Variants in RIC1 observed in about 807,000 individuals in gnomAD.
The protein encoded by RIC1 is RIC1 partner of RAB6A GEF complex, also known as guanine nucleotide exchange factor subunit RIC1.
RIC1 carries 88 observed loss-of-function variants against 169.0 expected under a neutral mutation model. The ratio of observed to expected loss-of-function variants is 0.52; its 90% CI spans 0.44 to 0.62. The LOEUF (loss-of-function observed/expected upper bound fraction) is 0.62, where lower values mean the gene tolerates loss of function less well. RIC1 is among the 20% of genes least tolerant of loss of function. RIC1 has a pLI of 0.00. For missense variants in RIC1, 1,877 were observed against 1,725.5 expected (o/e 1.09, Z -1.56); for synonymous variants, 790 against 601.5 (o/e 1.31, Z -4.59).
chr9:5,705,232 G>C (rs1002195039), intron 3 of RIC1, among the ~76,000 whole-genome samples: 1 of 131,830 alleles, frequency 7.6e-6, no homozygotes, highest in African/African-American at 2.8e-5. Context: ...TTGGGATTTT[G>C]GTAGAAATTG....
At chr9:5,753,685 T>C in intron 14 of RIC1, 39 bp downstream of exon 14, 1 of 1,075,078 alleles carries the variant, frequency 9.3e-7, no homozygotes, top group South Asian at 1.4e-5. Flanking sequence ...TTTCTCAAAG[T>C]ATAAGAGAAC....
At chr9:5,713,640 G>C (rs1023686634) in intron 3 of RIC1, 4 of 273,040 alleles carry the variant, frequency 1.5e-5, no homozygotes, top group Non-Finnish European at 2.8e-5. Flanking sequence ...ATTTCAAGTG[G>C]GTTTTTTTCT....
At chr9:5,633,370 C>T (rs1817812679) in intron 1 of RIC1, among the ~76,000 whole-genome samples, 1 of 152,120 alleles carries the variant, frequency 6.6e-6, no homozygotes, top group Non-Finnish European at 1.5e-5. Flanking sequence ...TTCTAGGGTT[C>T]ACTGTTGATG....
intron 23 of RIC1, among the ~76,000 whole-genome samples, chr9:5,772,257 C>T (rs1451807810): frequency 6.6e-6 from 1 of 152,130 alleles, no homozygotes; most frequent in East Asian, 1.9e-4. Flanking sequence ...ACAGTTTCCT[C>T]TATTTCCTGT....
chr9:5,763,818 T>C lies in RIC1; in HGVS notation c.2791T>C (p.Leu931=). The part of the protein sequence containing the change: ...GNPKDLFEEC[L]MAQDLDTAAS... Reference sequence around the variant, plus strand: ...CCCTAAGGACTTGTTTGAGGAGTGTTTGATGGCTCAGGATTTGGACACAGC... The same window carrying C: ...CCCTAAGGACTTGTTTGAGGAGTGTCTGATGGCTCAGGATTTGGACACAGC... The change falls in exon 19 of 26, where the codon TTG becomes CTG. Residue 931 remains leucine, a synonymous_variant. Transcript: ENST00000414202. The surrounding 1 kb of genome is among the most constrained non-coding windows in gnomAD (Gnocchi z 5.2). 1 of 1,614,214 alleles carries C rather than the reference T, an allele frequency of 6.2e-7. No individual in the cohort carries two copies. Among genetic ancestry groups the C allele is most frequent in the Non-Finnish European group, 8.5e-7 (1 of 1,180,018 alleles).
At chr9:5,660,797 T>A (rs946316698) in intron 2 of RIC1, among the ~76,000 whole-genome samples, 2 of 152,102 alleles carry the variant, frequency 1.3e-5, no homozygotes, top group Non-Finnish European at 2.9e-5. Flanking sequence ...ACCATTCTGT[T>A]GTTTATCTGC....
At chr9:5,734,733 T>G (rs1672944536) in intron 7 of RIC1, among the ~76,000 whole-genome samples, 2 of 138,324 alleles carry the variant, frequency 1.4e-5, no homozygotes, top group Non-Finnish European at 3.4e-5. Context: ...TTGACTCACT[T>G]AGTAACTGGT....
intron 6 of RIC1, among the ~76,000 whole-genome samples, chr9:5,726,866 A>C (rs955782006): frequency 5.3e-5 from 8 of 152,356 alleles, no homozygotes; most frequent in African/African-American, 1.9e-4. Context: ...TTCTATAAGA[A>C]TGTTGAATAT....
intron 6 of RIC1, 102 bp from the exon 7 acceptor site, chr9:5,732,286 T>C (rs1824415665): frequency 2.7e-5 from 25 of 911,510 alleles, no homozygotes; most frequent in Non-Finnish European, 4.2e-5. Context: ...TGAAACCAAA[T>C]AAAGCATTAT....
chr9:5,664,379 C>T (rs1288658746), intron 2 of RIC1, among the ~76,000 whole-genome samples: 1 of 151,884 alleles, frequency 6.6e-6, no homozygotes, highest in Non-Finnish European at 1.5e-5. Context: ...CACCACTGCA[C>T]TCCAGCCTGG....
chr9:5,671,274 A>ATT (rs1231921630), intron 2 of RIC1, among the ~76,000 whole-genome samples: 1 of 136,150 alleles, frequency 7.3e-6, no homozygotes, highest in East Asian at 2.0e-4. Flanking sequence ...TATTATTATT[A>ATT]TTTTTTTTTT....
In RIC1 at chr9:5,763,683, A is replaced by G. The variant is rs1826483855; in HGVS notation, c.2656A>G (p.Thr886Ala). ...REPIPDPLLP[T>A]VAKFITEFPL... ...GCCCATTCCCGACCCTCTGCTTCCC[A>G]CTGTGGCAAAATTTATCACTGAGTT... The change falls in exon 19 of 26, where the codon ACT (threonine) becomes GCT (alanine). Residue 886 changes from threonine (T) to alanine (A), a missense_variant. Transcript: ENST00000414202. The surrounding 1 kb of genome is among the most constrained non-coding windows in gnomAD (Gnocchi z 5.2). 1 of 1,614,032 alleles carries G rather than the reference A, an allele frequency of 6.2e-7. No individual in the cohort carries two copies. The highest frequency in any genetic ancestry group is 8.5e-7 in the Non-Finnish European group (1 of 1,180,020).
At chr9:5,643,063 G>T (rs893789013) in intron 1 of RIC1, among the ~76,000 whole-genome samples, 1 of 152,120 alleles carries the variant, frequency 6.6e-6, no homozygotes, top group African/African-American at 2.4e-5. Context: ...ACTTTTGGGG[G>T]CCTAGGTGGG....
intron 3 of RIC1, among the ~76,000 whole-genome samples, chr9:5,701,856 G>A (rs1822242225): frequency 6.6e-6 from 1 of 152,098 alleles, no homozygotes; most frequent in East Asian, 1.9e-4. Context: ...GGGATCAAAA[G>A]CAAAGGAGTA....
intron 2 of RIC1, among the ~76,000 whole-genome samples, chr9:5,684,548 T>A (rs1821091187): frequency 6.6e-6 from 1 of 152,158 alleles, no homozygotes; most frequent in Non-Finnish European, 1.5e-5. Context: ...CTAATTGTTC[T>A]TATTAGTATG....
intron 17 of RIC1, 71 bp downstream of exon 17, chr9:5,757,522 G>T (rs41302067): frequency 6.6e-7 from 1 of 1,517,622 alleles, no homozygotes; most frequent in South Asian, 1.2e-5. Context: ...ATATTAGGAA[G>T]TATTTGTTTG....
chr9:5,654,228 AT>A (rs903176464), intron 1 of RIC1, among the ~76,000 whole-genome samples: 60 of 150,226 alleles, frequency 4.0e-4, no homozygotes, highest in Non-Finnish European at 4.3e-4. Flanking sequence ...GCAAGTGTGT[AT>A]TTTTTGTTTT....
intron 4 of RIC1, among the ~76,000 whole-genome samples, chr9:5,717,188 G>C (rs963664839): frequency 7.9e-5 from 12 of 152,116 alleles, no homozygotes; most frequent in Non-Finnish European, 1.8e-4. Flanking sequence ...CCAGTCATTT[G>C]TTTGTTGCAG....
At chr9:5,754,632 G>A (rs1357532306) in intron 14 of RIC1, among the ~76,000 whole-genome samples, 1 of 152,164 alleles carries the variant, frequency 6.6e-6, no homozygotes, top group African/African-American at 2.4e-5. Flanking sequence ...GGAGGCGGCT[G>A]AGACATGAGA....
Sources: allele counts gnomAD v4.1 joint callset (sites outside exome capture counted in the v4.1 genomes callset), GRCh38; gene constraint gnomAD v4.1.1; non-coding constraint Gnocchi (gnomAD v3.1); transcripts MANE v1.5; gene names NCBI Gene and HGNC (gene_info 2026-07-23, HGNC 2026-07-21).